Variants in TNIP3 observed in about 807,000 individuals in gnomAD.
TNIP3 encodes TNFAIP3-interacting protein 3.
TNIP3 carries 34 observed loss-of-function variants against 54.1 expected under a neutral mutation model. The ratio of observed to expected loss-of-function variants is 0.63; its 90% confidence interval spans 0.48 to 0.84. TNIP3 has a LOEUF of 0.84. Ranked by LOEUF, TNIP3 falls within the 40% of genes least tolerant of loss-of-function variation. The pLI is 0.00. For missense variants in TNIP3, 366 were observed against 387.6 expected (o/e 0.94, Z 0.47); for synonymous variants, 134 against 136.8 (o/e 0.98, Z 0.14).
At position 121,157,131 on chromosome 4, in the gene TNIP3, T is replaced by G. The variant is rs778210581; in HGVS notation, c.326A>C (p.Gln109Pro). The G allele has an allele frequency of 6.2e-7, 1 of 1,613,710 alleles. No individual in the cohort carries two copies. Among genetic ancestry groups the G allele is most frequent in the Admixed American group, 1.7e-5 (1 of 59,986 alleles). The change falls in exon 4 of 11, where the codon CAG (glutamine) becomes CCG (proline). Residue 109 changes from glutamine to proline, a missense_variant. Physicochemically the swap from Gln to Pro is moderately conservative, Grantham distance 76 (BLOSUM62 -1). Coordinates refer to ENST00000057513, the MANE Select transcript of TNIP3 (RefSeq NM_024873.6). ...CAGCCGGTCCCGGGTCAGGTCGCGCTGCCTGTCGTCCTCTCTCTGCCTGTC... is the reference window on the plus strand; with the variant it reads ...CAGCCGGTCCCGGGTCAGGTCGCGCGGCCTGTCGTCCTCTCTCTGCCTGTC... ...KDDRQREDDR[Q>P]RDLTRDRLQR...
At chr4:121,224,806 T>C (rs928634573) in intron 1 of TNIP3, among the ~76,000 whole-genome samples, 9 of 152,320 alleles carry the variant, frequency 5.9e-5, no homozygotes, top group African/African-American at 2.2e-4. Flanking sequence ...TTAAAAAATG[T>C]GAACTATCTT....
chr4:121,203,105 T>C (rs1278651209), intron 2 of TNIP3, among the ~76,000 whole-genome samples: 3 of 152,102 alleles, frequency 2.0e-5, no homozygotes, highest in Non-Finnish European at 4.4e-5. Flanking sequence ...GAAGTCATCA[T>C]ATGAAAAAGA....
At chr4:121,213,712 G>A (rs1726611584) in intron 2 of TNIP3, among the ~76,000 whole-genome samples, 1 of 143,358 alleles carries the variant, frequency 7.0e-6, no homozygotes, top group African/African-American at 2.6e-5. Flanking sequence ...GGGCGACAGA[G>A]TAAGACTCCG....
At chr4:121,191,678 A>T (rs944902064) in intron 2 of TNIP3, among the ~76,000 whole-genome samples, 3 of 152,352 alleles carry the variant, frequency 2.0e-5, no homozygotes, top group African/African-American at 7.2e-5. Context: ...TGAGAAGACT[A>T]AATTTTGAGT....
chr4:121,150,206 G>T lies in TNIP3; in HGVS notation c.506C>A (p.Ala169Asp). ...GGAAAATGAACACTTGATATTCAAG[G>T]CATCCTGAAGAGCCTACGTAATAAG... The part of the protein sequence containing the change: ...IKRLNKALQD[A>D]LNIKCSFSED... Residue 169 changes from alanine to aspartate, a missense_variant, in exon 6 of 11, where the codon GCC (alanine) becomes GAC (aspartate). Coordinates refer to ENST00000057513, the MANE Select transcript of TNIP3 (RefSeq NM_024873.6). 6.2e-7 allele frequency: 1 copy of T among 1,610,000 alleles called. No individual in the cohort carries two copies. Among genetic ancestry groups the T allele is most frequent in the Non-Finnish European group, 8.5e-7 (1 of 1,176,742 alleles).
At chr4:121,149,549 G>A (rs1222508623) in intron 6 of TNIP3, among the ~76,000 whole-genome samples, 2 of 152,122 alleles carry the variant, frequency 1.3e-5, no homozygotes, top group African/African-American at 2.4e-5. Flanking sequence ...GGTGGATCAC[G>A]AGGTCAGAAG....
In TNIP3 at chr4:121,214,388, A is replaced by T. The variant is rs1335594222; in HGVS notation, c.68+2027T>A. 2.6e-5 allele frequency among the ~76,000 whole-genome samples: 4 copies of T among 152,222 alleles called. No individual in the cohort carries two copies. The East Asian group carries it at 7.7e-4, about 29-fold the overall frequency. ...CTGTAGAAAAAATGTTAACTACTAAATTCTACATAATTTTCATCATTGTTA... is the reference window on the plus strand; with the variant it reads ...CTGTAGAAAAAATGTTAACTACTAATTTCTACATAATTTTCATCATTGTTA... On this transcript the variant is annotated intron_variant, in intron 2 of 12. Transcript: ENST00000507879.
chr4:121,147,320 A>G, intron 6 of TNIP3, 146 bp from the exon 7 acceptor site: 3 of 938,594 alleles, frequency 3.2e-6, no homozygotes, highest in Non-Finnish European at 3.0e-6. Context: ...GGAGCAAGTC[A>G]TCCATCCCTA....
chr4:121,132,729 A>C, intron 10 of TNIP3, 67 bp from the exon 11 acceptor site: 1 of 1,445,668 alleles, frequency 6.9e-7, no homozygotes, highest in South Asian at 1.2e-5. Flanking sequence ...CTTCTGGCTT[A>C]AGGCTGACAT....
intron 10 of TNIP3, among the ~76,000 whole-genome samples, chr4:121,133,109 G>A (rs572477589): frequency 6.6e-6 from 1 of 152,154 alleles, no homozygotes; most frequent in African/African-American, 2.4e-5. Flanking sequence ...ACTTGTTGGT[G>A]TATCATGAAG....
chr4:121,149,181 G>A (rs1201848959), intron 6 of TNIP3, among the ~76,000 whole-genome samples: 1 of 152,152 alleles, frequency 6.6e-6, no homozygotes, highest in Non-Finnish European at 1.5e-5. Context: ...ATAGATACAT[G>A]CGGAAGTTGT....
intron 1 of TNIP3, among the ~76,000 whole-genome samples, chr4:121,225,644 G>A (rs575996031): frequency 7.9e-5 from 12 of 152,286 alleles, no homozygotes; most frequent in African/African-American, 2.6e-4. Context: ...GAGCTAAAGA[G>A]TAAAGTGTTA....
intron 2 of TNIP3, among the ~76,000 whole-genome samples, chr4:121,194,885 C>T (rs1167846085): frequency 6.6e-6 from 1 of 152,082 alleles, no homozygotes; most frequent in Non-Finnish European, 1.5e-5. Context: ...GACTTCTTCT[C>T]AGCAGGGTAG....
chr4:121,169,606 C>T (rs911675611), intron 3 of TNIP3, among the ~76,000 whole-genome samples: 7 of 152,222 alleles, frequency 4.6e-5, no homozygotes, highest in African/African-American at 1.7e-4. Flanking sequence ...GTGGGACTCA[C>T]ACATACAAAT....
At chr4:121,150,075 C>T (rs929160335) in intron 6 of TNIP3, 28 bp downstream of exon 6, 2 of 1,482,228 alleles carry the variant, frequency 1.3e-6, no homozygotes, top group African/African-American at 2.8e-5. Context: ...ATGTTCTCCA[C>T]AGGATCATGC....
chr4:121,135,095 G>A (rs1728703499), intron 10 of TNIP3, among the ~76,000 whole-genome samples: 1 of 152,212 alleles, frequency 6.6e-6, no homozygotes, highest in Non-Finnish European at 1.5e-5. Context: ...GTCCCAGGCA[G>A]GAGGCCAGGG....
At chr4:121,220,735 T>C (rs960848554), upstream of TNIP3, among the ~76,000 whole-genome samples, 3 of 152,188 alleles carry the variant, frequency 2.0e-5, no homozygotes, top group Admixed American at 2.0e-4. Flanking sequence ...ACTTAACTTT[T>C]AGAGTCAGAA....
intron 3 of TNIP3, among the ~76,000 whole-genome samples, chr4:121,157,800 C>T (rs1324443916): frequency 1.3e-5 from 2 of 152,124 alleles, no homozygotes; most frequent in African/African-American, 2.4e-5. Flanking sequence ...AGATTATAGC[C>T]ATCACTAACA....
chr4:121,208,513 A>C (rs1412257861), intron 2 of TNIP3, among the ~76,000 whole-genome samples: 2 of 152,030 alleles, frequency 1.3e-5, no homozygotes, highest in Non-Finnish European at 2.9e-5. Flanking sequence ...CCAATCCCCT[A>C]CTCATCAAAT....
Sources: gnomAD v4.1 joint callset for allele counts (sites outside exome capture counted in the v4.1 genomes callset) on GRCh38, gnomAD v4.1.1 for gene constraint, MANE v1.5 for transcripts, NCBI Gene and HGNC (gene_info 2026-07-23, HGNC 2026-07-21) for gene names.